The following RBFOX1 variants were observed in gnomAD, a reference collection of about 807,000 sequenced individuals.
The protein encoded by RBFOX1 is RNA binding fox-1 homolog 1, also known as RNA binding protein fox-1 homolog 1.
In RBFOX1, 8 loss-of-function variants were observed where a neutral mutation model predicts 57.7. That is an observed-to-expected ratio of 0.14 (90% CI 0.08 to 0.25). The LOEUF (loss-of-function observed/expected upper bound fraction) is 0.25, where lower values mean the gene tolerates loss of function less well. Among genes scored for constraint, RBFOX1 ranks in the 10% least tolerant of loss-of-function variants. The pLI is 1.00. For synonymous variants in RBFOX1, 326 were observed against 222.4 expected (o/e 1.47, Z -4.15); for missense variants, 611 against 548.5 (o/e 1.11, Z -1.14).
At chr16:6,992,420 G>A (rs1007305074) in intron 3 of RBFOX1, among the ~76,000 whole-genome samples, 4 of 152,090 alleles carry the variant, frequency 2.6e-5, no homozygotes, top group South Asian at 2.1e-4. Flanking sequence ...GTTTCACCAT[G>A]TTGGCCAGGC....
At chr16:7,229,711 GGA>G (rs1320281911) in intron 4 of RBFOX1, among the ~76,000 whole-genome samples, 4 of 130,406 alleles carry the variant, frequency 3.1e-5, no homozygotes. Flanking sequence ...AGGAAGGAAG[GGA>G]GAGAGAGGAA....
chr16:5,313,796 C>G (rs1248724721), intron 1 of RBFOX1, among the ~76,000 whole-genome samples: 2 of 152,064 alleles, frequency 1.3e-5, no homozygotes, highest in Non-Finnish European at 2.9e-5. Context: ...AGGTCCCTCC[C>G]ACAACACGTG....
intron 3 of RBFOX1, among the ~76,000 whole-genome samples, chr16:6,722,810 G>C (rs533548740): frequency 6.6e-6 from 1 of 152,292 alleles, no homozygotes; most frequent in East Asian, 1.9e-4. Flanking sequence ...TCAGCGGCCA[G>C]ATGGGTACAT....
At chr16:7,108,020 T>TG (rs1018653197) in intron 4 of RBFOX1, among the ~76,000 whole-genome samples, 2 of 144,532 alleles carry the variant, frequency 1.4e-5, no homozygotes, top group African/African-American at 5.1e-5. Flanking sequence ...GACATAAGAT[T>TG]GGGGGGGAGA....
intron 3 of RBFOX1, among the ~76,000 whole-genome samples, chr16:5,660,833 C>A (rs756773434): frequency 4.6e-5 from 7 of 152,048 alleles, no homozygotes; most frequent in Non-Finnish European, 7.4e-5. Flanking sequence ...GGAAGAGATT[C>A]CTGTCATGGA....
Position 6,960,714 on chromosome 16 carries a change from C to G in RBFOX1, c.-15-91343C>G, listed in dbSNP as rs547789003. ...GTCTCTGACGGGCCCACTCTCTGTA[C>G]TGTCTCTACCTGTCACCACTGCAAG... On this transcript the variant is annotated intron_variant, in intron 3 of 15. Coordinates refer to ENST00000550418, the MANE Select transcript of RBFOX1 (RefSeq NM_018723.4). 1.5e-3 allele frequency among the ~76,000 whole-genome samples: 232 copies of G among 152,194 alleles called. 1 individual carries two copies. Among genetic ancestry groups the G allele is most frequent in the Non-Finnish European group, 2.4e-3 (165 of 68,022 alleles).
chr16:6,432,905 G>C (rs376393186), intron 2 of RBFOX1, among the ~76,000 whole-genome samples: 1 of 152,178 alleles, frequency 6.6e-6, no homozygotes, highest in Admixed American at 6.5e-5. Flanking sequence ...TTGAATCTGG[G>C]AGGTGGATGT....
intron 4 of RBFOX1, among the ~76,000 whole-genome samples, chr16:7,361,890 G>C (rs1284355876): frequency 6.6e-6 from 1 of 151,228 alleles, no homozygotes; most frequent in Non-Finnish European, 1.5e-5. Flanking sequence ...GTATATGTTA[G>C]TATGTGTATT....
intron 3 of RBFOX1, among the ~76,000 whole-genome samples, chr16:5,809,897 C>T (rs1351303889): frequency 3.3e-5 from 5 of 152,016 alleles, no homozygotes; most frequent in Non-Finnish European, 5.9e-5. Flanking sequence ...GCGGCACTAT[C>T]CACAATAGCA....
intron 11 of RBFOX1, among the ~76,000 whole-genome samples, chr16:7,646,732 C>T (rs2063809980): frequency 6.6e-6 from 1 of 152,232 alleles, no homozygotes; most frequent in South Asian, 2.1e-4. Context: ...TCTTCCATCT[C>T]CCCCAGAGCT....
At chr16:5,666,537 C>T (rs915639287) in intron 3 of RBFOX1, among the ~76,000 whole-genome samples, 1 of 152,186 alleles carries the variant, frequency 6.6e-6, no homozygotes, top group Non-Finnish European at 1.5e-5. Context: ...GCCTGCGTTT[C>T]TGTTGGAACA....
At chr16:6,012,025 C>G (rs1035759328) in intron 4 of RBFOX1, among the ~76,000 whole-genome samples, 2 of 152,250 alleles carry the variant, frequency 1.3e-5, no homozygotes, top group African/African-American at 2.4e-5. Context: ...TCACCACTCA[C>G]TTCCACAGAG....
intron 1 of RBFOX1, among the ~76,000 whole-genome samples, chr16:5,304,519 G>T (rs1217950835): frequency 6.6e-6 from 1 of 152,184 alleles, no homozygotes; most frequent in Non-Finnish European, 1.5e-5. Flanking sequence ...TCCTATCTCA[G>T]TGCGGCAGAA....
At chr16:6,285,946 G>A (rs762652627) in intron 1 of RBFOX1, among the ~76,000 whole-genome samples, 3 of 152,100 alleles carry the variant, frequency 2.0e-5, no homozygotes, top group Non-Finnish European at 4.4e-5. Flanking sequence ...TGTAAAAGTG[G>A]GATAACACAC....
intron 2 of RBFOX1, among the ~76,000 whole-genome samples, chr16:5,537,768 A>C (rs186317415): frequency 6.6e-6 from 1 of 152,344 alleles, no homozygotes; most frequent in Admixed American, 6.5e-5. Context: ...TCTGCTTCTA[A>C]GACCTCATGT....
intron 3 of RBFOX1, among the ~76,000 whole-genome samples, chr16:6,985,869 C>A (rs370529428): frequency 1.0e-5 from 1 of 97,186 alleles, no homozygotes; most frequent in Non-Finnish European, 2.2e-5. Context: ...TTTCTTTTTT[C>A]TTTTTCTTTT....
At chr16:7,308,322 A>C (rs1370289212) in intron 4 of RBFOX1, among the ~76,000 whole-genome samples, 1 of 140,010 alleles carries the variant, frequency 7.1e-6, no homozygotes, top group Admixed American at 7.3e-5. Flanking sequence ...CACTGAGTTT[A>C]ATGTCCTGAA....
At chr16:6,929,884 A>C (rs1031210292) in intron 3 of RBFOX1, among the ~76,000 whole-genome samples, 2 of 152,198 alleles carry the variant, frequency 1.3e-5, no homozygotes, top group Non-Finnish European at 2.9e-5. Flanking sequence ...ACACTGCTTT[A>C]GCCCTTATGG....
chr16:7,387,402 G>A (rs1241840221), intron 4 of RBFOX1, among the ~76,000 whole-genome samples: 2 of 152,226 alleles, frequency 1.3e-5, no homozygotes, highest in East Asian at 1.9e-4. Context: ...AATTGAGGCC[G>A]TCAGTCACTG....
Sources: allele counts gnomAD v4.1 joint callset (sites outside exome capture counted in the v4.1 genomes callset), GRCh38; gene constraint gnomAD v4.1.1; transcripts MANE v1.5; gene names NCBI Gene and HGNC (gene_info 2026-07-23, HGNC 2026-07-21).